Variants in EZH2 observed in about 807,000 individuals in gnomAD.
EZH2 encodes the protein histone-lysine N-methyltransferase EZH2.
Under a neutral mutation model 98.4 loss-of-function variants are expected in EZH2, and 18 were observed. The ratio of observed to expected loss-of-function variants is 0.18; its 90% CI spans 0.13 to 0.27. The LOEUF (loss-of-function observed/expected upper bound fraction) is 0.27. EZH2 is among the 10% of genes least tolerant of loss of function. EZH2 has a pLI of 1.00. For synonymous variants in EZH2, 338 were observed against 312.3 expected, an observed-to-expected ratio of 1.08 and a Z score of -0.87; for missense variants, 470 against 935.1, an observed-to-expected ratio of 0.50 and a Z score of 6.49.
In EZH2 at chr7:148,809,398, GAAA is replaced by G. The variant is rs752012469; in HGVS notation, c.2030-11_2030-9del. 20 of 1,592,212 alleles carry G rather than the reference GAAA, an allele frequency of 1.3e-5. No individual in the cohort carries two copies. The highest frequency in any genetic ancestry group is 1.7e-5 in the Non-Finnish European group (20 of 1,163,470). ...TTGCATCCACCACAAAATCTAAAAA[GAAA>G]AAAGTAAGCACAGCCCAGTGAATAA... On this transcript the variant is annotated splice_polypyrimidine_tract_variant and intron_variant, in intron 17 of 19. Coordinates refer to ENST00000320356, the MANE Select transcript of EZH2 (RefSeq NM_004456.5).
chr7:148,828,267 A>G (rs902318539), intron 6 of EZH2, among the ~76,000 whole-genome samples: 1 of 152,230 alleles, frequency 6.6e-6, no homozygotes, highest in East Asian at 1.9e-4. Context: ...GAAGCACACA[A>G]AAAATTACGT....
At chr7:148,875,414 C>T (rs1820039019) in intron 1 of EZH2, among the ~76,000 whole-genome samples, 1 of 152,084 alleles carries the variant, frequency 6.6e-6, no homozygotes, top group Admixed American at 6.5e-5. Flanking sequence ...GACCTCTTGC[C>T]ACTCAACCAG....
intron 17 of EZH2, 159 bp downstream of exon 17, chr7:148,810,174 T>C: frequency 2.0e-6 from 1 of 504,190 alleles, no homozygotes; most frequent in East Asian, 2.8e-5. Flanking sequence ...GAGGAATTCC[T>C]TGCTCCAGTT....
At chr7:148,817,571 A>G in intron 10 of EZH2, 180 bp from the exon 11 acceptor site, 2 of 681,976 alleles carry the variant, frequency 2.9e-6, no homozygotes, top group Non-Finnish European at 4.8e-6. Flanking sequence ...CGTCAAGAAT[A>G]TTAAACCAAA....
chr7:148,879,115 C>T (rs1358246200), intron 1 of EZH2, among the ~76,000 whole-genome samples: 1 of 151,108 alleles, frequency 6.6e-6, no homozygotes, highest in African/African-American at 2.4e-5. Context: ...ATCCCAGCTA[C>T]TCGGGAGGCT....
At chr7:148,837,531 G>C (rs556094314) in intron 3 of EZH2, among the ~76,000 whole-genome samples, 1 of 152,194 alleles carries the variant, frequency 6.6e-6, no homozygotes, top group Non-Finnish European at 1.5e-5. Context: ...TGGTGAAAAT[G>C]ACCGTGTATA....
chr7:148,884,131 C>A, intron 1 of EZH2, 33 bp downstream of exon 1: 1 of 151,562 alleles, frequency 6.6e-6, no homozygotes, highest in South Asian at 1.8e-4. Context: ...TCCCGGAGCC[C>A]CGCCGGCCGG....
At chr7:148,849,238 G>C (rs138705763) in intron 1 of EZH2, among the ~76,000 whole-genome samples, 1 of 152,210 alleles carries the variant, frequency 6.6e-6, no homozygotes, top group East Asian at 1.9e-4. Flanking sequence ...AAGAATATTA[G>C]GAACTGCAGA....
chr7:148,866,232 A>G (rs1394749617), intron 1 of EZH2, among the ~76,000 whole-genome samples: 2 of 152,134 alleles, frequency 1.3e-5, no homozygotes, highest in African/African-American at 4.8e-5. Flanking sequence ...GAGACTTGTC[A>G]GTATCTGTGC....
chr7:148,850,229 A>T lies in EZH2; in HGVS notation c.-7-2924T>A, dbSNP rs368434554. 3.3e-4 allele frequency among the ~76,000 whole-genome samples: 50 copies of T among 152,254 alleles called. No individual in the cohort carries two copies. The South Asian group carries it at 0.01, about 32-fold the overall frequency. On this transcript the variant is annotated intron_variant, in intron 1 of 19. Coordinates refer to ENST00000320356, the MANE Select transcript of EZH2 (RefSeq NM_004456.5). ...GAGACAGGGTTTCACCGTGTTAGCC[A>T]GGATGGTCTCAATCTCCTGACCTTG... is the stretch of plus-strand genomic sequence containing the variant.
chr7:148,832,232 T>C (rs1005608981), intron 4 of EZH2, among the ~76,000 whole-genome samples: 10 of 152,100 alleles, frequency 6.6e-5, no homozygotes, highest in Non-Finnish European at 1.3e-4. Context: ...ACTACAGACA[T>C]GCGCCACACC....
At chr7:148,862,156 G>C (rs1403949054) in intron 1 of EZH2, among the ~76,000 whole-genome samples, 1 of 152,132 alleles carries the variant, frequency 6.6e-6, no homozygotes, top group Non-Finnish European at 1.5e-5. Flanking sequence ...TTTCTTACAA[G>C]ATTAGATGCA....
At chr7:148,864,604 G>C (rs1419725352) in intron 1 of EZH2, among the ~76,000 whole-genome samples, 1 of 149,556 alleles carries the variant, frequency 6.7e-6, no homozygotes, top group East Asian at 2.0e-4. Context: ...CCAATCACCT[G>C]AGCCCAGGAG....
chr7:148,857,055 C>T (rs1016487877), intron 1 of EZH2, among the ~76,000 whole-genome samples: 3 of 152,238 alleles, frequency 2.0e-5, no homozygotes, highest in Admixed American at 6.5e-5. Flanking sequence ...ATGTACTCCC[C>T]GATGTGATGA....
intron 3 of EZH2, among the ~76,000 whole-genome samples, chr7:148,841,268 A>G (rs1812358884): frequency 6.6e-6 from 1 of 152,040 alleles, no homozygotes; most frequent in Admixed American, 6.6e-5. Context: ...TTATATGATC[A>G]TTTAAGAAAT....
At chr7:148,858,153 G>T (rs1409877885) in intron 1 of EZH2, among the ~76,000 whole-genome samples, 2 of 151,698 alleles carry the variant, frequency 1.3e-5, no homozygotes, top group South Asian at 4.2e-4. Flanking sequence ...TTAGCCAGGC[G>T]TGGTGGCGGG....
At chr7:148,881,610 A>G (rs1820966348) in intron 1 of EZH2, among the ~76,000 whole-genome samples, 1 of 152,204 alleles carries the variant, frequency 6.6e-6, no homozygotes, top group South Asian at 2.1e-4. Context: ...AGTAATTATC[A>G]AATACAGAGA....
In EZH2 at chr7:148,825,838, T is replaced by C. The variant is rs895656645; in HGVS notation, c.907+616A>G. 4.6e-5 allele frequency among the ~76,000 whole-genome samples: 7 copies of C among 152,326 alleles called. 1 individual carries two copies. Among genetic ancestry groups the C allele is most frequent in the East Asian group, 3.8e-4 (2 of 5,196 alleles). On this transcript the variant is annotated intron_variant, in intron 8 of 19. Transcript: ENST00000320356. ...TTCAAAATATGTGCCTCAAAAGTAG[T>C]TGACGCTTTTAAACTGTGCTTAGAA...
chr7:148,878,492 T>C (rs1446652096), intron 1 of EZH2, among the ~76,000 whole-genome samples: 1 of 152,268 alleles, frequency 6.6e-6, no homozygotes, highest in Non-Finnish European at 1.5e-5. Context: ...TACTTTTATT[T>C]TGAAATTTCA....
Sources: gnomAD v4.1 joint callset for allele counts (sites outside exome capture counted in the v4.1 genomes callset) on GRCh38, gnomAD v4.1.1 for gene constraint, MANE v1.5 for transcripts, NCBI Gene and HGNC (gene_info 2026-07-23, HGNC 2026-07-21) for gene names.